Variants in PCDHGA3 observed in about 807,000 individuals in gnomAD.
PCDHGA3 encodes protocadherin gamma subfamily A, 3.
In PCDHGA3, 40 loss-of-function variants were observed where a neutral mutation model predicts 58.5. The ratio of observed to expected loss-of-function variants is 0.68; its 90% CI spans 0.53 to 0.89. The LOEUF (loss-of-function observed/expected upper bound fraction) is 0.89. PCDHGA3 is among the 40% of genes least tolerant of loss of function. PCDHGA3 has a pLI of 0.00. For missense variants in PCDHGA3, 1,223 were observed against 1,195.9 expected (o/e 1.02, Z -0.33); for synonymous variants, 530 against 525.7 (o/e 1.01, Z -0.11).
At chr5:141,418,746 A>G in intron 1 of PCDHGA3, 1 of 1,613,974 alleles carries the variant, frequency 6.2e-7, no homozygotes, top group Non-Finnish European at 8.5e-7. Context: ...TCTCTGGATT[A>G]CACTACAGGA....
intron 1 of PCDHGA3, chr5:141,478,713 G>A (rs745990290): frequency 1.9e-6 from 3 of 1,546,642 alleles, no homozygotes; most frequent in African/African-American, 2.7e-5. Context: ...TTGTGAGATG[G>A]TGGCCTGCCA....
chr5:141,433,091 A>G (rs1344906248), intron 1 of PCDHGA3: 2 of 1,614,182 alleles, frequency 1.2e-6, no homozygotes, highest in African/African-American at 1.3e-5. Flanking sequence ...CTATGCAGAC[A>G]TGCTCGTCAG....
At position 141,399,158 on chromosome 5, in the gene PCDHGA3, C is replaced by T. The variant is rs575806440; in HGVS notation, c.2424+52701C>T. 17 of 1,613,790 alleles carry T rather than the reference C, an allele frequency of 1.1e-5. No homozygotes were observed. The East Asian group carries it at 2.9e-4, about 27-fold the overall frequency. On this transcript the variant is annotated intron_variant, in intron 1 of 3. Transcript: ENST00000253812. The stretch of plus-strand genomic sequence containing the variant: ...GAAAATGACAATAGCCCAGAAGTTA[C>T]ATTCCATTCTCTACTTGAAATGATT...
chr5:141,399,054 G>T (rs76381401), intron 1 of PCDHGA3: 1 of 1,613,694 alleles, frequency 6.2e-7, no homozygotes, highest in South Asian at 1.1e-5. Context: ...AAGAGACCAA[G>T]GAATATTCAA....
intron 1 of PCDHGA3, chr5:141,366,450 TC>T (rs1764566733): frequency 6.2e-7 from 1 of 1,614,230 alleles, no homozygotes; most frequent in Non-Finnish European, 8.5e-7. Flanking sequence ...TTCCTGGCCT[TC>T]GTCATCGTGC....
At position 141,487,892 on chromosome 5, in the gene PCDHGA3, T is replaced by C; in HGVS notation, c.2425-6915T>C. The C allele has an allele frequency of 2.7e-6, 2 of 731,410 alleles. No individual in the cohort carries two copies. The highest frequency in any genetic ancestry group is 4.4e-6 in the Non-Finnish European group (2 of 450,094). 45.3% of individuals were successfully genotyped at this position (731,410 alleles called of 1,614,324 possible). On this transcript the variant is annotated intron_variant, in intron 1 of 3. Coordinates refer to ENST00000253812, the MANE Select transcript of PCDHGA3 (RefSeq NM_018916.4). This position sits in a 1 kb window ranked among gnomAD's most constrained non-coding sequence, Gnocchi z 5.0. ...GAGCCAGGCTGTTGTGGAAGCATGA[T>C]GATGGAATGTGGGAGCACAGGAGGC...
intron 1 of PCDHGA3, chr5:141,409,394 T>C: frequency 1.9e-6 from 3 of 1,614,008 alleles, no homozygotes; most frequent in Non-Finnish European, 2.5e-6. Flanking sequence ...TTATTCTTCT[T>C]CCAATAACTA....
At chr5:141,355,297 T>C in intron 1 of PCDHGA3, 2 of 1,613,906 alleles carry the variant, frequency 1.2e-6, no homozygotes, top group South Asian at 1.1e-5. Flanking sequence ...ACAGATTCTC[T>C]ACTCGGTGTT....
Position 141,361,471 on chromosome 5 carries a change from A to G in PCDHGA3, c.2424+15014A>G, listed in dbSNP as rs748732304. The G allele has an allele frequency of 3.1e-6, 5 of 1,613,870 alleles. No individual in the cohort carries two copies. The South Asian group carries it at 3.3e-5, about 11-fold the overall frequency. On this transcript the variant is annotated intron_variant, in intron 1 of 3. Transcript: ENST00000253812. ...TGTCACCCTGCACATCTCCGACGTC[A>G]ACGATAATGCCCCAGTTTTCCAACA...
intron 1 of PCDHGA3, among the ~76,000 whole-genome samples, chr5:141,482,794 G>A (rs374042779): frequency 6.2e-5 from 8 of 129,246 alleles, no homozygotes; most frequent in Non-Finnish European, 8.1e-5. Flanking sequence ...GTGTGTGGCC[G>A]GGTACGGTGG....
chr5:141,392,768 T>C lies in PCDHGA3; in HGVS notation c.2424+46311T>C, dbSNP rs754714050. The C allele has an allele frequency of 1.9e-5, 29 of 1,507,388 alleles. No homozygotes were observed. In the Middle Eastern group the frequency reaches 7.0e-4, roughly 37 times the overall value. 93.4% of individuals were successfully genotyped at this position (1,507,388 alleles called of 1,614,324 possible). On this transcript the variant is annotated intron_variant, in intron 1 of 3. Coordinates refer to ENST00000253812, the MANE Select transcript of PCDHGA3 (RefSeq NM_018916.4). ...GCGGCAAGAAACTAAATAAGACCCA[T>C]TTATGCACAGTGAAGATTCTGAGAG...
At chr5:141,389,733 C>A in intron 1 of PCDHGA3, 1 of 1,612,786 alleles carries the variant, frequency 6.2e-7, no homozygotes, top group Non-Finnish European at 8.5e-7. Flanking sequence ...GCTCTTCAGC[C>A]TGGGGCTGCG....
chr5:141,367,194 C>G (rs1212197084), intron 1 of PCDHGA3: 4 of 158,964 alleles, frequency 2.5e-5, no homozygotes, highest in African/African-American at 9.7e-5. Flanking sequence ...AAATAATTTA[C>G]AGTATTTACA....
intron 1 of PCDHGA3, chr5:141,352,324 G>A (rs774613616): frequency 5.0e-6 from 8 of 1,613,962 alleles, no homozygotes; most frequent in Middle Eastern, 1.6e-4. Flanking sequence ...AGTTTTACCT[G>A]GTTGTGGCCT....
At chr5:141,350,823 A>G in intron 1 of PCDHGA3, 1 of 1,614,030 alleles carries the variant, frequency 6.2e-7, no homozygotes, top group Non-Finnish European at 8.5e-7. Context: ...GGAAGTAAAT[A>G]TCCGGTATTA....
At chr5:141,413,316 T>G (rs769316460) in intron 1 of PCDHGA3, 1 of 1,613,976 alleles carries the variant, frequency 6.2e-7, no homozygotes, top group South Asian at 1.1e-5. Context: ...AGAAAGGCTC[T>G]TTCGTGGGCA....
chr5:141,351,221 G>T (rs201087525), intron 1 of PCDHGA3: 2 of 1,614,012 alleles, frequency 1.2e-6, no homozygotes, highest in East Asian at 4.5e-5. Context: ...TAAGGATGGA[G>T]GAGTACACAC....
At chr5:141,366,444 T>C (rs1255938272) in intron 1 of PCDHGA3, 2 of 1,614,214 alleles carry the variant, frequency 1.2e-6, no homozygotes, top group Non-Finnish European at 1.7e-6. Flanking sequence ...TGCGTCTTCC[T>C]GGCCTTCGTC....
chr5:141,431,325 G>C lies in PCDHGA3; in HGVS notation c.2425-63482G>C, dbSNP rs772252181. On this transcript the variant is annotated intron_variant, in intron 1 of 3. Coordinates refer to ENST00000253812, the MANE Select transcript of PCDHGA3 (RefSeq NM_018916.4). The surrounding 1 kb of genome is among the most constrained non-coding windows in gnomAD (Gnocchi z 4.8). Reference sequence around the variant, plus strand: ...ATCGTGCAAAATGGAGCCGACGGTAGTAAGTACCCCGAATTGGTGCTGAAA... The same window carrying C: ...ATCGTGCAAAATGGAGCCGACGGTACTAAGTACCCCGAATTGGTGCTGAAA... 4.3e-6 allele frequency: 7 copies of C among 1,614,144 alleles called. No individual in the cohort carries two copies. In the Admixed American group the frequency reaches 8.3e-5, roughly 19 times the overall value.
Sources: gnomAD v4.1 joint callset for allele counts (sites outside exome capture counted in the v4.1 genomes callset) on GRCh38, gnomAD v4.1.1 for gene constraint, Gnocchi (gnomAD v3.1) non-coding constraint, MANE v1.5 for transcripts, NCBI Gene and HGNC (gene_info 2026-07-23, HGNC 2026-07-21) for gene names.